Variants in DNER observed in about 807,000 individuals in gnomAD.
DNER encodes the protein delta/notch like EGF repeat containing.
DNER carries 33 observed loss-of-function variants against 78.2 expected under a neutral mutation model. The ratio of observed to expected loss-of-function variants is 0.42; its 90% CI spans 0.32 to 0.56. The LOEUF (loss-of-function observed/expected upper bound fraction) is 0.56, where lower values mean the gene tolerates loss of function less well. DNER is among the 20% of genes least tolerant of loss of function. The pLI, the probability that DNER is intolerant of heterozygous loss-of-function variation, is 0.11. For synonymous variants in DNER, 417 were observed against 384.8 expected, an observed-to-expected ratio of 1.08 and a Z score of -0.98; for missense variants, 918 against 975.3, an observed-to-expected ratio of 0.94 and a Z score of 0.78.
At chr2:229,579,906 A>G (rs1331387605) in intron 4 of DNER, among the ~76,000 whole-genome samples, 1 of 152,138 alleles carries the variant, frequency 6.6e-6, no homozygotes, top group African/African-American at 2.4e-5. Flanking sequence ...ATAAAGAATA[A>G]AATCCTGGGG....
intron 7 of DNER, among the ~76,000 whole-genome samples, chr2:229,463,258 G>A (rs1694739357): frequency 1.3e-5 from 2 of 151,128 alleles, no homozygotes; most frequent in Non-Finnish European, 2.9e-5. Context: ...TAAATGAATG[G>A]TGTAATAGAG....
At chr2:229,535,557 T>A (rs1696385532) in intron 5 of DNER, among the ~76,000 whole-genome samples, 1 of 152,136 alleles carries the variant, frequency 6.6e-6, no homozygotes, top group African/African-American at 2.4e-5. Flanking sequence ...TACTATCCTC[T>A]AATAGCAGCA....
At position 229,563,578 on chromosome 2, in the gene DNER, C is replaced by T. The variant is rs577801535; in HGVS notation, c.848-16486G>A. On this transcript the variant is annotated intron_variant, in intron 4 of 12. Coordinates refer to ENST00000341772, the MANE Select transcript of DNER (RefSeq NM_139072.4). ...CATCGTCATCATCCTCACCCCATTG[C>T]CATCATCATTAACATCATCACCCCA... is the stretch of plus-strand genomic sequence containing the variant. Among the ~76,000 whole-genome samples the T allele has an allele frequency of 2.4e-5, 3 of 127,612 alleles. No individual in the cohort carries two copies. The South Asian group carries it at 7.8e-4, about 33-fold the overall frequency. The allele number at this position is 127,612 out of a possible 152,430, so 83.7% of individuals were successfully genotyped here.
At chr2:229,682,638 A>G (rs1293477715) in intron 1 of DNER, among the ~76,000 whole-genome samples, 2 of 152,206 alleles carry the variant, frequency 1.3e-5, no homozygotes, top group Non-Finnish European at 2.9e-5. Context: ...ACCTGAGGTC[A>G]GGAGTTTGAA....
intron 10 of DNER, 27 bp downstream of exon 10, chr2:229,407,205 G>A: frequency 6.3e-7 from 1 of 1,581,744 alleles, no homozygotes; most frequent in Non-Finnish European, 8.6e-7. Flanking sequence ...TGGTAAATTT[G>A]AAAACTCAGT....
intron 5 of DNER, among the ~76,000 whole-genome samples, chr2:229,521,946 T>C (rs1005343613): frequency 1.3e-5 from 2 of 152,160 alleles, no homozygotes; most frequent in African/African-American, 4.8e-5. Flanking sequence ...AGCTCATAAT[T>C]TTATTTCCTC....
At chr2:229,380,113 T>C (rs185472241) in intron 11 of DNER, among the ~76,000 whole-genome samples, 6 of 152,220 alleles carry the variant, frequency 3.9e-5, no homozygotes, top group Admixed American at 6.5e-5. Flanking sequence ...GTTGATCAAA[T>C]TGACGTTGGA....
intron 10 of DNER, among the ~76,000 whole-genome samples, chr2:229,398,696 C>T (rs73100221): frequency 0.034 from 5,113 of 151,776 alleles, 135 homozygotes; most frequent in African/African-American, 0.073. Context: ...AAATTCTGAA[C>T]AAAATATTAG....
chr2:229,647,808 AG>A (rs1430742658), intron 1 of DNER, among the ~76,000 whole-genome samples: 3 of 152,248 alleles, frequency 2.0e-5, no homozygotes, highest in Non-Finnish European at 4.4e-5. Flanking sequence ...GAAAAGGCAG[AG>A]TATAAAATTG....
At chr2:229,593,916 AC>A (rs1177550224) in intron 1 of DNER, among the ~76,000 whole-genome samples, 7 of 152,272 alleles carry the variant, frequency 4.6e-5, no homozygotes, top group African/African-American at 1.2e-4. Flanking sequence ...AGGGATCAAT[AC>A]AAAAATTAAT....
At chr2:229,535,410 C>T (rs570569377) in intron 5 of DNER, among the ~76,000 whole-genome samples, 60 of 152,198 alleles carry the variant, frequency 3.9e-4, no homozygotes, top group East Asian at 1.5e-3. Flanking sequence ...CCAGTGAGGG[C>T]GGTAATGTTT....
chr2:229,384,939 C>G (rs1692829545), intron 11 of DNER, among the ~76,000 whole-genome samples: 1 of 151,976 alleles, frequency 6.6e-6, no homozygotes, highest in Non-Finnish European at 1.5e-5. Flanking sequence ...ATACCAAAAC[C>G]TGGAAGAGAC....
At chr2:229,474,257 G>A (rs187634970) in intron 7 of DNER, among the ~76,000 whole-genome samples, 32 of 152,218 alleles carry the variant, frequency 2.1e-4, no homozygotes, top group African/African-American at 6.5e-4. Flanking sequence ...AGTTACTGCC[G>A]ACACACAAAA....
chr2:229,467,872 G>T (rs1208684183), intron 7 of DNER, among the ~76,000 whole-genome samples: 1 of 152,148 alleles, frequency 6.6e-6, no homozygotes, highest in Non-Finnish European at 1.5e-5. Flanking sequence ...CTTCTTCAAG[G>T]CTCTGAAAAG....
At chr2:229,435,009 A>G (rs1272522966) in intron 8 of DNER, among the ~76,000 whole-genome samples, 2 of 151,856 alleles carry the variant, frequency 1.3e-5, no homozygotes, top group African/African-American at 4.8e-5. Context: ...GTTTAAGGTT[A>G]TGGTAGATTG....
chr2:229,705,453 T>C (rs1045721656), intron 1 of DNER, among the ~76,000 whole-genome samples: 2 of 152,206 alleles, frequency 1.3e-5, no homozygotes, highest in African/African-American at 2.4e-5. Context: ...AAGAAAGAAA[T>C]ACCTTAACAT....
intron 11 of DNER, among the ~76,000 whole-genome samples, chr2:229,373,122 G>T (rs1009033248): frequency 1.3e-5 from 2 of 152,074 alleles, no homozygotes; most frequent in Admixed American, 1.3e-4. Flanking sequence ...AAACTAAAGA[G>T]CACAGCAAAA....
chr2:229,385,355 A>G (rs1692840756), intron 11 of DNER, among the ~76,000 whole-genome samples: 1 of 152,214 alleles, frequency 6.6e-6, no homozygotes, highest in Admixed American at 6.5e-5. Context: ...ACAAACCCAC[A>G]GCCAGTATCA....
intron 1 of DNER, among the ~76,000 whole-genome samples, chr2:229,658,056 T>C (rs961517663): frequency 6.6e-6 from 1 of 152,146 alleles, no homozygotes; most frequent in African/African-American, 2.4e-5. Context: ...GCTGCTGAAG[T>C]CAAACACAAG....
Sources: allele counts gnomAD v4.1 joint callset (sites outside exome capture counted in the v4.1 genomes callset), GRCh38; gene constraint gnomAD v4.1.1; transcripts MANE v1.5; gene names NCBI Gene and HGNC (gene_info 2026-07-23, HGNC 2026-07-21).